The following PIBF1 variants were observed in gnomAD, a reference collection of about 807,000 sequenced individuals.
PIBF1 encodes the protein progesterone immunomodulatory binding factor 1.
PIBF1 carries 90 observed loss-of-function variants against 112.5 expected under a neutral mutation model. The ratio of observed to expected loss-of-function variants is 0.80; its 90% confidence interval spans 0.67 to 0.95. The LOEUF (loss-of-function observed/expected upper bound fraction) is 0.95. PIBF1 is among the 40% of genes least tolerant of loss of function. PIBF1 has a pLI of 0.00. For synonymous variants in PIBF1, 301 were observed against 288.6 expected (o/e 1.04, Z -0.44); for missense variants, 915 against 852.3 (o/e 1.07, Z -0.92).
At chr13:72,811,608 A>AAAGAG (rs199831981) in intron 5 of PIBF1, among the ~76,000 whole-genome samples, 167 of 139,676 alleles carry the variant, frequency 1.2e-3, no homozygotes, top group Middle Eastern at 3.6e-3. Flanking sequence ...AAAAAAAAAA[A>AAAGAG]AGAGAGAGAA....
intron 15 of PIBF1, among the ~76,000 whole-genome samples, chr13:72,972,000 TTTCA>T (rs1435842748): frequency 1.4e-5 from 2 of 138,872 alleles, no homozygotes; most frequent in East Asian, 2.1e-4. Context: ...GATTAGTGGC[TTTCA>T]TTTATTTATT....
chr13:72,965,400 G>T lies in PIBF1; in HGVS notation c.1960G>T (p.Val654Phe), dbSNP rs1341887215. ...TESIAQLEKDVSNLNKEKSAL... is the reference protein window; with the variant it reads ...TESIAQLEKDFSNLNKEKSAL... ...ATCTATTGCACAACTTGAGAAAGATGTCAGGTAAACCATCTACAAATCTTT... is the reference window on the plus strand; with the variant it reads ...ATCTATTGCACAACTTGAGAAAGATTTCAGGTAAACCATCTACAAATCTTT... The change falls in exon 15 of 18, where the codon GTC becomes TTC. Residue 654 changes from valine (V) to phenylalanine (F), a missense_variant. Transcript: ENST00000326291. The T allele has an allele frequency of 6.2e-7, 1 of 1,606,584 alleles. No individual in the cohort carries two copies. Among genetic ancestry groups the T allele is most frequent in the Non-Finnish European group, 8.5e-7 (1 of 1,176,840 alleles).
chr13:72,818,900 C>T (rs763851857), intron 5 of PIBF1, among the ~76,000 whole-genome samples: 11 of 151,910 alleles, frequency 7.2e-5, no homozygotes, highest in African/African-American at 1.2e-4. Flanking sequence ...TCTCATTTTT[C>T]GCAGAGATTA....
At chr13:72,953,287 C>T (rs1403605563) in intron 14 of PIBF1, among the ~76,000 whole-genome samples, 1 of 152,210 alleles carries the variant, frequency 6.6e-6, no homozygotes, top group Admixed American at 6.5e-5. Context: ...AAAACAACTT[C>T]CCACAAGTGG....
chr13:72,810,631 T>G (rs992539312), intron 5 of PIBF1, among the ~76,000 whole-genome samples: 1 of 152,216 alleles, frequency 6.6e-6, no homozygotes, highest in African/African-American at 2.4e-5. Context: ...TTTCTGAGAT[T>G]TCTTTTTATC....
chr13:72,931,278 T>TA lies in PIBF1; in HGVS notation c.1833+14dup. On this transcript the variant is annotated intron_variant, in intron 14 of 17. Transcript: ENST00000326291. ...CAGCTTTCACAAGAGGTAAATAACT[T>TA]AAAGAAACCCATATGAAGAATCACA... is the stretch of plus-strand genomic sequence containing the variant. The TA allele has an allele frequency of 2.8e-6, 4 of 1,443,906 alleles. No homozygotes were observed. The highest frequency in any genetic ancestry group is 3.9e-6 in the Non-Finnish European group (4 of 1,029,970). 89.4% of individuals were successfully genotyped at this position (1,443,906 alleles called of 1,614,324 possible).
intron 5 of PIBF1, among the ~76,000 whole-genome samples, chr13:72,806,138 A>C (rs971047996): frequency 1.3e-5 from 2 of 152,226 alleles, no homozygotes; most frequent in South Asian, 2.1e-4. Flanking sequence ...CACATTGTGC[A>C]ACAGATCTCT....
intron 17 of PIBF1, among the ~76,000 whole-genome samples, chr13:73,006,132 T>G (rs1043636487): frequency 1.3e-5 from 2 of 152,060 alleles, no homozygotes; most frequent in African/African-American, 4.8e-5. Context: ...TTGGCCATGC[T>G]GGTCTCGAAC....
rs150112958 is a variant in PIBF1 at position 73,003,099 on chromosome 13, G to A, written c.2223+4104G>A. On this transcript the variant is annotated intron_variant, in intron 17 of 17. Transcript: ENST00000326291. The stretch of plus-strand genomic sequence containing the variant: ...GTCTGATTTTTGGTGAGTTTACGAC[G>A]TAGTTCAGGCCTTGACTTACATTTG... Among the ~76,000 whole-genome samples, 213 of 151,108 alleles carry A rather than the reference G, an allele frequency of 1.4e-3. 1 individual carries two copies. The highest frequency in any genetic ancestry group is 0.012 in the East Asian group (63 of 5,124).
At chr13:72,808,398 C>T (rs2035843270) in intron 5 of PIBF1, among the ~76,000 whole-genome samples, 3 of 152,162 alleles carry the variant, frequency 2.0e-5, no homozygotes, top group Admixed American at 2.0e-4. Context: ...GTTCCTCTTT[C>T]TTCAGATGTC....
chr13:72,989,531 A>G (rs1219384961), intron 16 of PIBF1, among the ~76,000 whole-genome samples: 3 of 152,226 alleles, frequency 2.0e-5, no homozygotes, highest in South Asian at 2.1e-4. Flanking sequence ...AGAACTGGGA[A>G]TTCTACAAGG....
chr13:72,811,211 G>A (rs1199487051), intron 5 of PIBF1, among the ~76,000 whole-genome samples: 1 of 151,990 alleles, frequency 6.6e-6, no homozygotes, highest in Non-Finnish European at 1.5e-5. Flanking sequence ...GCGGGTTCAT[G>A]GACACTGACC....
At chr13:72,963,426 T>C (rs1356165969) in intron 14 of PIBF1, among the ~76,000 whole-genome samples, 1 of 152,032 alleles carries the variant, frequency 6.6e-6, no homozygotes, top group African/African-American at 2.4e-5. Flanking sequence ...AAACCCCGTA[T>C]CTACTAAAAA....
intron 10 of PIBF1, among the ~76,000 whole-genome samples, chr13:72,875,488 G>A (rs528224944): frequency 8.7e-4 from 128 of 146,852 alleles, no homozygotes; most frequent in African/African-American, 3.0e-3. Flanking sequence ...TGTAGTGTGG[G>A]GGAAAAAAAA....
intron 5 of PIBF1, among the ~76,000 whole-genome samples, chr13:72,805,067 G>T (rs999372567): frequency 1.3e-5 from 2 of 152,070 alleles, no homozygotes; most frequent in Non-Finnish European, 2.9e-5. Flanking sequence ...TTTGCCTCCC[G>T]GGTTCAAGCG....
chr13:72,805,658 G>T (rs2035696540), intron 5 of PIBF1, among the ~76,000 whole-genome samples: 1 of 152,112 alleles, frequency 6.6e-6, no homozygotes, highest in South Asian at 2.1e-4. Flanking sequence ...ATGACTAGAT[G>T]GTATTCACCC....
chr13:72,899,778 T>C (rs1038115833), intron 11 of PIBF1, among the ~76,000 whole-genome samples: 25 of 151,464 alleles, frequency 1.7e-4, no homozygotes, highest in African/African-American at 6.0e-4. Flanking sequence ...GAGAAAGAAA[T>C]AAAGGGCATC....
chr13:72,818,828 T>C (rs2036415811), intron 5 of PIBF1, among the ~76,000 whole-genome samples: 1 of 151,978 alleles, frequency 6.6e-6, no homozygotes, highest in Non-Finnish European at 1.5e-5. Flanking sequence ...GCACTGTCAG[T>C]TTATTGTTAT....
chr13:72,871,226 T>C (rs1304996882), intron 10 of PIBF1, among the ~76,000 whole-genome samples: 5 of 152,200 alleles, frequency 3.3e-5, no homozygotes, highest in Non-Finnish European at 5.9e-5. Flanking sequence ...AAATTTTTAA[T>C]GCATTTAGAT....
Sources: gnomAD v4.1 joint callset for allele counts (sites outside exome capture counted in the v4.1 genomes callset) on GRCh38, gnomAD v4.1.1 for gene constraint, MANE v1.5 for transcripts, NCBI Gene and HGNC (gene_info 2026-07-23, HGNC 2026-07-21) for gene names.